The following SNTG1 variants were observed in gnomAD, a reference collection of about 807,000 sequenced individuals.
SNTG1 encodes the protein syntrophin gamma 1, also known as gamma-1-syntrophin.
SNTG1 carries 39 observed loss-of-function variants against 74.7 expected under a neutral mutation model. That is an observed-to-expected ratio of 0.52 (90% CI 0.40 to 0.68). SNTG1 has a LOEUF of 0.68. Among genes scored for constraint, SNTG1 ranks in the 30% least tolerant of loss-of-function variants. The pLI is 0.00. For missense variants in SNTG1, 685 were observed against 609.5 expected (o/e 1.12, Z -1.30); for synonymous variants, 254 against 217.1 (o/e 1.17, Z -1.49).
intron 1 of SNTG1, among the ~76,000 whole-genome samples, chr8:49,924,174 A>G (rs902139187): frequency 2.6e-5 from 4 of 152,208 alleles, no homozygotes; most frequent in Admixed American, 6.5e-5. Flanking sequence ...CTTAAATTTC[A>G]ACAATATATA....
chr8:50,401,042 C>A (rs753671566), intron 3 of SNTG1, among the ~76,000 whole-genome samples: 3 of 152,030 alleles, frequency 2.0e-5, no homozygotes, highest in Non-Finnish European at 4.4e-5. Flanking sequence ...ATACATACAT[C>A]AAAACCTCAC....
chr8:50,590,564 G>A (rs1243681695), intron 12 of SNTG1, among the ~76,000 whole-genome samples: 1 of 151,998 alleles, frequency 6.6e-6, no homozygotes, highest in Admixed American at 6.6e-5. Flanking sequence ...ACCACAGAAA[G>A]TTACACTCTG....
At chr8:50,135,892 C>T (rs1027729129) in intron 1 of SNTG1, among the ~76,000 whole-genome samples, 7 of 152,132 alleles carry the variant, frequency 4.6e-5, no homozygotes, top group African/African-American at 1.7e-4. Context: ...TTTTGATCCT[C>T]ACCCTCCTTC....
intron 13 of SNTG1, among the ~76,000 whole-genome samples, chr8:50,627,553 G>A (rs117682144): frequency 6.6e-6 from 1 of 152,028 alleles, no homozygotes; most frequent in South Asian, 2.1e-4. Context: ...ATTCCCCAGT[G>A]TTAGGCATTC....
chr8:50,583,023 CT>C (rs1294410139), intron 12 of SNTG1, among the ~76,000 whole-genome samples: 1 of 151,962 alleles, frequency 6.6e-6, no homozygotes, highest in East Asian at 1.9e-4. Flanking sequence ...ATTTTATGTT[CT>C]TAAAAAAATA....
intron 1 of SNTG1, among the ~76,000 whole-genome samples, chr8:50,170,975 G>C (rs567198228): frequency 8.5e-5 from 13 of 152,116 alleles, no homozygotes; most frequent in Admixed American, 7.2e-4. Flanking sequence ...CCACCTGATC[G>C]ATCAAGTATG....
At chr8:50,748,881 G>C (rs558265699) in intron 17 of SNTG1, among the ~76,000 whole-genome samples, 91 of 151,908 alleles carry the variant, frequency 6.0e-4, no homozygotes, top group African/African-American at 2.1e-3. Flanking sequence ...CTGTACTTAG[G>C]CCTCCCTATT....
chr8:49,993,583 G>A (rs918895759), intron 1 of SNTG1, among the ~76,000 whole-genome samples: 5 of 152,074 alleles, frequency 3.3e-5, no homozygotes, highest in African/African-American at 4.8e-5. Flanking sequence ...AAGGCCAAGT[G>A]TGTGTGATAT....
intron 1 of SNTG1, among the ~76,000 whole-genome samples, chr8:50,103,274 A>G (rs1305688307): frequency 6.6e-6 from 1 of 152,136 alleles, no homozygotes; most frequent in African/African-American, 2.4e-5. Flanking sequence ...GAGGTCCTTC[A>G]CGTCCTTAGT....
intron 9 of SNTG1, among the ~76,000 whole-genome samples, chr8:50,511,196 GT>G (rs1253758964): frequency 6.6e-6 from 1 of 152,154 alleles, no homozygotes; most frequent in Non-Finnish European, 1.5e-5. Flanking sequence ...TCAGGAGCAG[GT>G]TGTTCAGTTT....
chr8:50,549,400 A>G (rs1209430330), intron 11 of SNTG1, among the ~76,000 whole-genome samples: 1 of 152,142 alleles, frequency 6.6e-6, no homozygotes, highest in Middle Eastern at 3.2e-3. Context: ...TGATAATGAA[A>G]TCAAGTAAAT....
intron 1 of SNTG1, among the ~76,000 whole-genome samples, chr8:50,120,120 C>A (rs2080947221): frequency 7.1e-6 from 1 of 140,944 alleles, no homozygotes; most frequent in Non-Finnish European, 1.6e-5. Flanking sequence ...TTGTTTTCTC[C>A]CCCTCTAGCA....
intron 2 of SNTG1, among the ~76,000 whole-genome samples, chr8:50,274,686 G>A (rs2087993737): frequency 6.6e-6 from 1 of 151,978 alleles, no homozygotes; most frequent in Non-Finnish European, 1.5e-5. Context: ...TTAGTTGTAG[G>A]TACTTTTGGA....
intron 13 of SNTG1, among the ~76,000 whole-genome samples, chr8:50,602,727 G>A (rs1207236723): frequency 6.6e-6 from 1 of 152,098 alleles, no homozygotes; most frequent in Admixed American, 6.6e-5. Flanking sequence ...GTTTGTCTGG[G>A]AAGGTCTTTA....
intron 2 of SNTG1, among the ~76,000 whole-genome samples, chr8:50,173,045 C>T (rs557366560): frequency 1.5e-4 from 22 of 148,322 alleles, no homozygotes; most frequent in African/African-American, 2.7e-4. Flanking sequence ...CAGTGAGCTG[C>T]GATTTTCTGA....
chr8:50,359,483 C>T (rs2091902668), intron 2 of SNTG1, among the ~76,000 whole-genome samples: 1 of 152,108 alleles, frequency 6.6e-6, no homozygotes, highest in Non-Finnish European at 1.5e-5. Context: ...TGGCTTAGCT[C>T]CAATTTTTGC....
At chr8:50,088,578 C>T (rs569755617) in intron 1 of SNTG1, among the ~76,000 whole-genome samples, 1,376 of 129,498 alleles carry the variant, frequency 0.011, 31 homozygotes, top group African/African-American at 0.035. Flanking sequence ...AAAATCAATG[C>T]ACAAAAATCA....
At chr8:50,135,737 T>C (rs1424246253) in intron 1 of SNTG1, among the ~76,000 whole-genome samples, 1 of 152,226 alleles carries the variant, frequency 6.6e-6, no homozygotes, top group Non-Finnish European at 1.5e-5. Flanking sequence ...TCTCAGTTTA[T>C]CTGAAATTTT....
chr8:50,041,795 C>A (rs1168957957), intron 1 of SNTG1, among the ~76,000 whole-genome samples: 6 of 152,150 alleles, frequency 3.9e-5, no homozygotes, highest in African/African-American at 1.4e-4. Flanking sequence ...ATGAATTGAT[C>A]TTTCCTCTTA....
Sources: allele counts gnomAD v4.1 joint callset (sites outside exome capture counted in the v4.1 genomes callset), GRCh38; gene constraint gnomAD v4.1.1; transcripts MANE v1.5; gene names NCBI Gene and HGNC (gene_info 2026-07-23, HGNC 2026-07-21).